GABRG3: variants seen among roughly 807,000 people sequenced by gnomAD.
GABRG3 encodes gamma-aminobutyric acid type A receptor subunit gamma3.
GABRG3 carries 25 observed loss-of-function variants against 48.8 expected under a neutral mutation model. That is an observed-to-expected ratio of 0.51 (90% CI 0.37 to 0.72). The LOEUF (loss-of-function observed/expected upper bound fraction) is 0.72, where lower values mean the gene tolerates loss of function less well. GABRG3 is among the 30% of genes least tolerant of loss of function. The pLI is 0.00. For synonymous variants in GABRG3, 227 were observed against 217.6 expected (o/e 1.04, Z -0.38); for missense variants, 394 against 577.9 (o/e 0.68, Z 3.26).
chr15:27,314,445 C>T (rs922963323), intron 3 of GABRG3, among the ~76,000 whole-genome samples: 1 of 152,110 alleles, frequency 6.6e-6, no homozygotes, highest in Admixed American at 6.6e-5. Context: ...GAAATTGGAG[C>T]CCTTGTACAC....
chr15:27,440,419 C>T (rs575420998), intron 5 of GABRG3, among the ~76,000 whole-genome samples: 8 of 152,282 alleles, frequency 5.3e-5, no homozygotes, highest in Middle Eastern at 3.4e-3. Context: ...GAACCATTTG[C>T]GCCTTCTGGC....
At chr15:27,267,442 A>ATTT (rs34989689) in intron 3 of GABRG3, among the ~76,000 whole-genome samples, 64 of 145,060 alleles carry the variant, frequency 4.4e-4, no homozygotes, top group South Asian at 6.7e-4. Flanking sequence ...TAGCTCAAGG[A>ATTT]TTTTTTTTTT....
intron 3 of GABRG3, among the ~76,000 whole-genome samples, chr15:27,046,606 G>A (rs1195387838): frequency 1.3e-5 from 2 of 152,218 alleles, no homozygotes; most frequent in African/African-American, 4.8e-5. Context: ...GCAAGAGAAA[G>A]CTAATCCTTC....
intron 6 of GABRG3, among the ~76,000 whole-genome samples, chr15:27,495,022 G>A (rs879533956): frequency 2.6e-5 from 4 of 152,084 alleles, no homozygotes; most frequent in Non-Finnish European, 5.9e-5. Flanking sequence ...ACAGTTTGAT[G>A]TCTTTTATTT....
chr15:27,062,999 A>G (rs893742476), intron 3 of GABRG3, among the ~76,000 whole-genome samples: 1 of 152,220 alleles, frequency 6.6e-6, no homozygotes, highest in East Asian at 1.9e-4. Flanking sequence ...TCATGGTTCA[A>G]TGTCGTGAGA....
At chr15:27,343,205 C>T (rs1410399446) in intron 5 of GABRG3, among the ~76,000 whole-genome samples, 3 of 152,160 alleles carry the variant, frequency 2.0e-5, no homozygotes, top group Admixed American at 6.5e-5. Flanking sequence ...CCAGCACCTC[C>T]CCCACGTGGC....
At chr15:27,350,133 T>C (rs1236415974) in intron 5 of GABRG3, 2 of 456,046 alleles carry the variant, frequency 4.4e-6, no homozygotes, top group East Asian at 7.0e-5. Flanking sequence ...CCAGCCACCA[T>C]CTTGGCCTTC....
chr15:27,442,946 C>A (rs539926548), intron 5 of GABRG3, among the ~76,000 whole-genome samples: 2 of 152,174 alleles, frequency 1.3e-5, no homozygotes, highest in Non-Finnish European at 2.9e-5. Context: ...GCCATCAGAG[C>A]GGGGACAGGG....
At chr15:27,276,894 T>A (rs980427437) in intron 3 of GABRG3, among the ~76,000 whole-genome samples, 3 of 152,252 alleles carry the variant, frequency 2.0e-5, no homozygotes, top group African/African-American at 7.2e-5. Flanking sequence ...ATGAGGGTAG[T>A]ACAAACACTT....
chr15:27,145,624 T>TCATCTATCTATCTATCTATCTATCTAC (rs1898192033), intron 3 of GABRG3, among the ~76,000 whole-genome samples: 1 of 147,198 alleles, frequency 6.8e-6, no homozygotes, highest in Non-Finnish European at 1.5e-5. Context: ...TATCTATCTA[T>TCATCTATCTATCTATCTATCTATCTAC]CTATCTATCT....
intron 5 of GABRG3, among the ~76,000 whole-genome samples, chr15:27,464,048 G>A (rs1206131486): frequency 6.6e-6 from 1 of 152,046 alleles, no homozygotes; most frequent in East Asian, 1.9e-4. Context: ...CCAGCACTCC[G>A]CATTTTCATA....
intron 3 of GABRG3, among the ~76,000 whole-genome samples, chr15:27,085,896 T>C (rs756568615): frequency 1.1e-4 from 16 of 152,234 alleles, no homozygotes; most frequent in Non-Finnish European, 2.4e-4. Flanking sequence ...TCTTTGGATA[T>C]ATCCTGCTTT....
intron 5 of GABRG3, among the ~76,000 whole-genome samples, chr15:27,434,946 A>G (rs138704891): frequency 2.0e-4 from 31 of 151,956 alleles, no homozygotes; most frequent in Middle Eastern, 3.4e-3. Flanking sequence ...TCATCTTTCC[A>G]CTTCTCTCCA....
intron 3 of GABRG3, among the ~76,000 whole-genome samples, chr15:27,295,780 T>G (rs1439554860): frequency 6.6e-6 from 1 of 151,322 alleles, no homozygotes; most frequent in Non-Finnish European, 1.5e-5. Flanking sequence ...AGCCAAGGAG[T>G]AAAAGTGGAA....
intron 6 of GABRG3, among the ~76,000 whole-genome samples, chr15:27,497,626 G>C (rs1332024045): frequency 1.3e-5 from 2 of 152,180 alleles, no homozygotes; most frequent in African/African-American, 4.8e-5. Flanking sequence ...GTTCAGAAAA[G>C]TATGTATTAT....
intron 3 of GABRG3, among the ~76,000 whole-genome samples, chr15:27,063,963 G>A (rs1896694790): frequency 6.6e-6 from 1 of 152,204 alleles, no homozygotes; most frequent in African/African-American, 2.4e-5. Flanking sequence ...AACCCACACA[G>A]TCCATCCCTT....
chr15:27,473,715 T>A (rs1889854777), intron 5 of GABRG3, among the ~76,000 whole-genome samples: 1 of 152,222 alleles, frequency 6.6e-6, no homozygotes, highest in Non-Finnish European at 1.5e-5. Flanking sequence ...CAAAAGAATC[T>A]ATGATTATGA....
chr15:27,102,776 A>G (rs532954983), intron 3 of GABRG3, among the ~76,000 whole-genome samples: 1 of 152,302 alleles, frequency 6.6e-6, no homozygotes, highest in Non-Finnish European at 1.5e-5. Flanking sequence ...TAACCACTAA[A>G]TGTCATGTGT....
In GABRG3 at chr15:26,974,095, T is replaced by G. The variant is rs1248878203; in HGVS notation, c.53+2507T>G. On this transcript the variant is annotated intron_variant, in intron 1 of 9. Transcript: ENST00000615808. The surrounding 1 kb of genome is among the most constrained non-coding windows in gnomAD (Gnocchi z 4.3). ...AGGCTTCTATTTCATTTTCAGGATT[T>G]GAGGGAGAAGGGTGCTCACTGCCCA... is the stretch of plus-strand genomic sequence containing the variant. Among the ~76,000 whole-genome samples, 1 of 152,178 alleles carries G rather than the reference T, an allele frequency of 6.6e-6. No individual in the cohort carries two copies. The highest frequency in any genetic ancestry group is 2.4e-5 in the African/African-American group (1 of 41,468).
Sources: allele counts gnomAD v4.1 joint callset (sites outside exome capture counted in the v4.1 genomes callset), GRCh38; gene constraint gnomAD v4.1.1; non-coding constraint Gnocchi (gnomAD v3.1); transcripts MANE v1.5; gene names NCBI Gene and HGNC (gene_info 2026-07-23, HGNC 2026-07-21).